Variants in PC observed in about 807,000 individuals in gnomAD.
PC encodes the protein pyruvate carboxylase.
Under a neutral mutation model 107.8 loss-of-function variants are expected in PC, and 46 were observed. The ratio of observed to expected loss-of-function variants is 0.43; its 90% CI spans 0.34 to 0.55. The LOEUF is 0.55. Among genes scored for constraint, PC ranks in the 20% least tolerant of loss-of-function variants. The pLI, the probability that PC is intolerant of heterozygous loss-of-function variation, is 0.04. For synonymous variants in PC, 662 were observed against 684.7 expected (o/e 0.97, Z 0.52); for missense variants, 1,241 against 1,643.1 (o/e 0.76, Z 4.23).
Position 66,857,760 on chromosome 11 carries a change from C to G in PC, c.1369-4377G>C, listed in dbSNP as rs1162011527. 6.4e-7 allele frequency: 1 copy of G among 1,569,360 alleles called. No homozygotes were observed. Among genetic ancestry groups the G allele is most frequent in the Non-Finnish European group, 8.6e-7 (1 of 1,160,040 alleles). On this transcript the variant is annotated intron_variant, in intron 12 of 22. Transcript: ENST00000393960. The surrounding 1 kb of genome is among the most constrained non-coding windows in gnomAD (Gnocchi z 7.1). ...GGCGCTCACCATGGCCCCGCCGCTC[C>G]TGCTGCTGCTGCTGGCCAGTGGAGC...
At chr11:66,885,758 G>A (rs1263778227) in intron 3 of PC, among the ~76,000 whole-genome samples, 1 of 152,150 alleles carries the variant, frequency 6.6e-6, no homozygotes, top group East Asian at 1.9e-4. Context: ...AGAGCCATCC[G>A]AGAGAGCACG....
intron 3 of PC, among the ~76,000 whole-genome samples, chr11:66,925,620 C>T (rs903043803): frequency 6.6e-6 from 1 of 152,064 alleles, no homozygotes; most frequent in East Asian, 1.9e-4. Flanking sequence ...GTGCAGTTAA[C>T]ACAATCATCA....
chr11:66,861,610 G>A (rs1287869860), intron 12 of PC, among the ~76,000 whole-genome samples: 1 of 136,682 alleles, frequency 7.3e-6, no homozygotes, highest in Non-Finnish European at 1.6e-5. Context: ...TGTGGGGAGC[G>A]AACGCCATGG....
chr11:66,858,890 C>G lies in PC; in HGVS notation c.1368+4884G>C. On this transcript the variant is annotated intron_variant, in intron 12 of 22. Transcript: ENST00000393960. This position sits in a 1 kb window ranked among gnomAD's most constrained non-coding sequence, Gnocchi z 5.9. ...GTGGGAACAGCAGTGCCGAGGGGGGCCGCCCCGGGCCCTCGGACATCGCCG... is the reference window on the plus strand; with the variant it reads ...GTGGGAACAGCAGTGCCGAGGGGGGGCGCCCCGGGCCCTCGGACATCGCCG... 2 of 1,554,578 alleles carry G rather than the reference C, an allele frequency of 1.3e-6. No homozygotes were observed. The highest frequency in any genetic ancestry group is 1.7e-6 in the Non-Finnish European group (2 of 1,149,512).
chr11:66,850,580 G>A lies in PC; in HGVS notation c.2473+94C>T, dbSNP rs374194930. 1.2e-5 allele frequency: 19 copies of A among 1,600,848 alleles called. No individual in the cohort carries two copies. In the African/African-American group the frequency reaches 2.3e-4, roughly 19 times the overall value. ...GACAGAAGGCGGCAAGGCCAGAGCAGGGCATCTGGATCCTAGGCAGGTCCA... is the reference window on the plus strand; with the variant it reads ...GACAGAAGGCGGCAAGGCCAGAGCAAGGCATCTGGATCCTAGGCAGGTCCA... On this transcript the variant is annotated intron_variant, in intron 18 of 22. Transcript: ENST00000393960.
chr11:66,859,019 C>T (rs753128001), intron 12 of PC: 17 of 1,511,186 alleles, frequency 1.1e-5, no homozygotes, highest in Middle Eastern at 1.8e-4. Flanking sequence ...GCTGGGGTCC[C>T]GGGCGGCCAG....
chr11:66,872,101 G>C lies in PC; in HGVS notation c.59C>G (p.Ser20Cys). 1 of 1,572,894 alleles carries C rather than the reference G, an allele frequency of 6.4e-7. No homozygotes were observed. Among genetic ancestry groups the C allele is most frequent in the Non-Finnish European group, 8.6e-7 (1 of 1,159,738 alleles). The change falls in exon 4 of 23, where the codon TCC becomes TGC. Residue 20 changes from serine (S) to cysteine (C), a missense_variant. Ser to Cys is a moderately radical substitution (Grantham distance 112). This residue lies in a region of PC where 1,143 missense variants were observed against 1,551.9 expected (regional missense o/e 0.74). Transcript: ENST00000393960. Reference sequence around the variant, plus strand: ...ATTTGGGGAGGCAGCGGGGGCGGTGGAGGTTCGGCGGATTCCCAGGAGCCT... The same window carrying C: ...ATTTGGGGAGGCAGCGGGGGCGGTGCAGGTTCGGCGGATTCCCAGGAGCCT... ...GLRLLGIRRT[S>C]TAPAASPNVR...
chr11:66,882,284 G>C (rs1947212141), intron 3 of PC, among the ~76,000 whole-genome samples: 1 of 152,228 alleles, frequency 6.6e-6, no homozygotes, highest in African/African-American at 2.4e-5. Flanking sequence ...CTGGGGACCA[G>C]GGCAGGGCGC....
chr11:66,857,878 A>T lies in PC; in HGVS notation c.1369-4495T>A. Reference sequence around the variant, plus strand: ...CGAGGCCTGCTGTTTGTGCCGCCCAACGTGGACCGGCGCACAGTGGAGCTG... The same window carrying T: ...CGAGGCCTGCTGTTTGTGCCGCCCATCGTGGACCGGCGCACAGTGGAGCTG... On this transcript the variant is annotated intron_variant, in intron 12 of 22. Coordinates refer to ENST00000393960, the MANE Select transcript of PC (RefSeq NM_001040716.2). The surrounding 1 kb of genome is among the most constrained non-coding windows in gnomAD (Gnocchi z 7.1). 1 of 1,610,910 alleles carries T rather than the reference A, an allele frequency of 6.2e-7. No individual in the cohort carries two copies. Among genetic ancestry groups the T allele is most frequent in the Non-Finnish European group, 8.5e-7 (1 of 1,179,864 alleles).
chr11:66,864,261 A>C (rs1287935334), intron 11 of PC, among the ~76,000 whole-genome samples: 4 of 152,240 alleles, frequency 2.6e-5, no homozygotes, highest in African/African-American at 9.6e-5. Flanking sequence ...GGCAGGGGCC[A>C]GCCCTGCCTC....
rs201183693 is a variant in PC, at chr11:66,880,519, A to AC, written c.1-8361dup. 8.1e-4 allele frequency among the ~76,000 whole-genome samples: 123 copies of AC among 152,006 alleles called. No homozygotes were observed. The East Asian group carries it at 0.021, about 26-fold the overall frequency. On this transcript the variant is annotated intron_variant, in intron 3 of 22. Transcript: ENST00000393960. ...GAGGGTGGGAGACGGCCTTCCTGAG[A>AC]CCCCCAGAAGCCTTGCCTCTGGTAT...
rs757885949 is a variant in PC at position 66,858,312 on chromosome 11, G to A, written c.1369-4929C>T. On this transcript the variant is annotated intron_variant, in intron 12 of 22. Transcript: ENST00000393960. This position sits in a 1 kb window ranked among gnomAD's most constrained non-coding sequence, Gnocchi z 5.9. Reference sequence around the variant, plus strand: ...TGACGCACTGCCCCCAGGCGCCTTCGCCCAGCTCGGTCAGCTCTCCCGCCT... The same window carrying A: ...TGACGCACTGCCCCCAGGCGCCTTCACCCAGCTCGGTCAGCTCTCCCGCCT... 75 of 1,609,238 alleles carry A rather than the reference G, an allele frequency of 4.7e-5. No homozygotes were observed. Among genetic ancestry groups the A allele is most frequent in the South Asian group, 3.8e-4 (35 of 90,996 alleles).
chr11:66,897,120 GA>G (rs1046977156), intron 3 of PC, among the ~76,000 whole-genome samples: 3 of 152,034 alleles, frequency 2.0e-5, no homozygotes, highest in Non-Finnish European at 4.4e-5. Flanking sequence ...TTTTAGTAGA[GA>G]TGGGGTTTCA....
intron 3 of PC, among the ~76,000 whole-genome samples, chr11:66,923,032 C>T (rs1323478600): frequency 2.0e-5 from 3 of 152,112 alleles, no homozygotes; most frequent in South Asian, 2.1e-4. Flanking sequence ...GCAATGATGG[C>T]GCAGCAGGGA....
chr11:66,868,802 C>T (rs1565240772), intron 10 of PC, 44 bp downstream of exon 10: 1 of 1,502,018 alleles, frequency 6.7e-7, no homozygotes, highest in East Asian at 2.3e-5. Context: ...TTATGCAAAT[C>T]CTAGAAGCCG....
chr11:66,852,339 T>A lies in PC; in HGVS notation c.1825+100A>T. ...GGTCCTTCCTCTTTGGTGTTCTTCG[T>A]GTCAGCGTCTCTAGCTTGTCCCCAG... On this transcript the variant is annotated intron_variant, in intron 15 of 22. Coordinates refer to ENST00000393960, the MANE Select transcript of PC (RefSeq NM_001040716.2). This position sits in a 1 kb window ranked among gnomAD's most constrained non-coding sequence, Gnocchi z 4.7. The A allele has an allele frequency of 1.0e-6, 1 of 994,998 alleles. No individual in the cohort carries two copies. Among genetic ancestry groups the A allele is most frequent in the South Asian group, 1.3e-5 (1 of 77,026 alleles). 61.6% of individuals were successfully genotyped at this position (994,998 alleles called of 1,614,324 possible).
At chr11:66,951,530 C>T (rs1290271251) in intron 3 of PC, among the ~76,000 whole-genome samples, 4 of 152,006 alleles carry the variant, frequency 2.6e-5, no homozygotes, top group Admixed American at 6.6e-5. Flanking sequence ...CCGAAGAGGG[C>T]GGATCACCTG....
At chr11:66,886,593 G>C (rs1016506786) in intron 3 of PC, among the ~76,000 whole-genome samples, 2 of 152,120 alleles carry the variant, frequency 1.3e-5, no homozygotes, top group African/African-American at 4.8e-5. Flanking sequence ...TAGGAATGAA[G>C]AGGGACTGTG....
At chr11:66,952,673 G>A (rs1387118473) in intron 2 of PC, among the ~76,000 whole-genome samples, 1 of 152,212 alleles carries the variant, frequency 6.6e-6, no homozygotes, top group Non-Finnish European at 1.5e-5. Flanking sequence ...TCCTGAGGTA[G>A]TTGGGATTAC....
Sources: allele counts gnomAD v4.1 joint callset (sites outside exome capture counted in the v4.1 genomes callset), GRCh38; gene constraint gnomAD v4.1.1; regional missense constraint gnomAD v4.1.1; non-coding constraint Gnocchi (gnomAD v3.1); transcripts MANE v1.5; gene names NCBI Gene and HGNC (gene_info 2026-07-23, HGNC 2026-07-21).